Variants in TRMT11 observed in about 807,000 individuals in gnomAD.
TRMT11 encodes the protein tRNA (guanine(10)-N(2))-methyltransferase TRMT11.
Under a neutral mutation model 62.8 loss-of-function variants are expected in TRMT11, and 53 were observed. The ratio of observed to expected loss-of-function variants is 0.84; its 90% CI spans 0.68 to 1.06. TRMT11 has a LOEUF of 1.06. Ranked by LOEUF, TRMT11 falls within the 50% of genes least tolerant of loss-of-function variation. The pLI is 0.00. For missense variants in TRMT11, 556 were observed against 553.4 expected (o/e 1.00, Z -0.05); for synonymous variants, 188 against 190.3 (o/e 0.99, Z 0.10).
chr6:126,108,480 C>T (rs1777488841), intron 17 of TRMT11, among the ~76,000 whole-genome samples: 1 of 152,192 alleles, frequency 6.6e-6, no homozygotes, highest in African/African-American at 2.4e-5. Flanking sequence ...AGGCACCTTA[C>T]ATTTATACTT....
In TRMT11 at chr6:126,109,438, C is replaced by T. The variant is rs759253731; in HGVS notation, c.*1438-3428C>T. Among the ~76,000 whole-genome samples, 6 of 152,180 alleles carry T rather than the reference C, an allele frequency of 3.9e-5. No individual in the cohort carries two copies. The South Asian group carries it at 8.3e-4, about 21-fold the overall frequency. ...GCCTGATGCTTCCTCATGATTGCAC[C>T]GAAGTTACACCCTTTGGGCAGGAAT... On this transcript the variant is annotated intron_variant and NMD_transcript_variant, in intron 17 of 22. Transcript: ENST00000648977.
chr6:126,053,025 A>G (rs765137358), intron 16 of TRMT11, among the ~76,000 whole-genome samples: 1 of 152,058 alleles, frequency 6.6e-6, no homozygotes, highest in Non-Finnish European at 1.5e-5. Context: ...ACTTGCTCCT[A>G]TGGCGGGGGA....
chr6:126,203,231 G>C (rs570367367), downstream of TRMT11, among the ~76,000 whole-genome samples: 87 of 152,242 alleles, frequency 5.7e-4, 2 homozygotes, highest in Middle Eastern at 3.4e-3. Context: ...AGTAATTTTT[G>C]AACAATTTAA....
chr6:125,998,734 C>T, intron 6 of TRMT11, 50 bp downstream of exon 6: 1 of 1,582,688 alleles, frequency 6.3e-7, no homozygotes, highest in Non-Finnish European at 8.6e-7. Flanking sequence ...TTGAAAGCTA[C>T]TTATTAGGCC....
In TRMT11 at chr6:126,021,290, T is replaced by C; in HGVS notation, c.1260+10T>C. On this transcript the variant is annotated intron_variant, in intron 12 of 12. Transcript: ENST00000334379. ...GGTGAAGAAATTTGAGGTAAATTGC[T>C]TCAGTATTTTTGGGATAAATTCTGA... The C allele has an allele frequency of 6.2e-7, 1 of 1,612,914 alleles. No individual in the cohort carries two copies. Among genetic ancestry groups the C allele is most frequent in the Non-Finnish European group, 8.5e-7 (1 of 1,179,056 alleles).
upstream of TRMT11, among the ~76,000 whole-genome samples, chr6:126,172,875 T>A (rs1023766933): frequency 2.6e-5 from 4 of 152,116 alleles, no homozygotes; most frequent in Non-Finnish European, 5.9e-5. Context: ...GAGGTGAGGA[T>A]ACTGGGAAGA....
At chr6:126,120,262 A>G (rs1777634516) in intron 21 of TRMT11, among the ~76,000 whole-genome samples, 1 of 152,122 alleles carries the variant, frequency 6.6e-6, no homozygotes, top group Non-Finnish European at 1.5e-5. Context: ...TGACAGAGCA[A>G]GATTCCATCT....
chr6:126,039,027 A>G lies in TRMT11; in HGVS notation c.*191A>G. ...TAGACTTTTTTGTTGTATGTATTAC[A>G]GTCTTTATAATCTTATTTAATGTAT... On this transcript the variant is annotated 3_prime_UTR_variant, in exon 13 of 13. Coordinates refer to ENST00000334379, the MANE Select transcript of TRMT11 (RefSeq NM_001031712.3). The G allele has an allele frequency of 2.1e-6, 1 of 467,440 alleles. No homozygotes were observed. Among genetic ancestry groups the G allele is most frequent in the Non-Finnish European group, 3.7e-6 (1 of 269,996 alleles). The allele number at this position is 467,440 out of a possible 1,614,324, so 29.0% of individuals were successfully genotyped here. A position where few individuals can be genotyped will look rare whatever the true frequency, so the allele number is the denominator to read the frequency against.
intron 1 of TRMT11, among the ~76,000 whole-genome samples, chr6:125,988,531 A>T (rs1790045510): frequency 6.6e-6 from 1 of 152,128 alleles, no homozygotes; most frequent in Non-Finnish European, 1.5e-5. Flanking sequence ...GGACAAGGAA[A>T]GTTAGGGTGG....
At chr6:126,055,384 C>T (rs1776344471) in intron 17 of TRMT11, among the ~76,000 whole-genome samples, 1 of 152,216 alleles carries the variant, frequency 6.6e-6, no homozygotes, top group South Asian at 2.1e-4. Context: ...GCTTCTCCTT[C>T]ACTATTTACT....
chr6:126,008,291 C>T, intron 7 of TRMT11, 101 bp from the exon 8 acceptor site: 1 of 976,062 alleles, frequency 1.0e-6, no homozygotes, highest in East Asian at 2.4e-5. Flanking sequence ...TTCCAGGATA[C>T]TCTGCCTGCA....
At chr6:126,195,904 T>G (rs1052916974) in intron 1 of TRMT11, among the ~76,000 whole-genome samples, 6 of 152,140 alleles carry the variant, frequency 3.9e-5, no homozygotes, top group Admixed American at 6.6e-5. Flanking sequence ...CATGTCTCTG[T>G]GTGGTTTGCA....
At chr6:126,006,472 A>G (rs1397143843) in intron 7 of TRMT11, among the ~76,000 whole-genome samples, 2 of 152,090 alleles carry the variant, frequency 1.3e-5, no homozygotes, top group East Asian at 1.9e-4. Context: ...AGTGCTTACT[A>G]TTTAAGTAAT....
intron 21 of TRMT11, among the ~76,000 whole-genome samples, chr6:126,131,800 T>C (rs971831102): frequency 1.6e-4 from 24 of 152,082 alleles, no homozygotes. Context: ...TATCTTTTTT[T>C]TTTAAGAAAG....
At chr6:126,147,196 A>G (rs1448541807) in intron 21 of TRMT11, among the ~76,000 whole-genome samples, 1 of 152,240 alleles carries the variant, frequency 6.6e-6, no homozygotes, top group Non-Finnish European at 1.5e-5. Context: ...ATGAGTAAGC[A>G]TATAACAAAA....
intron 17 of TRMT11, among the ~76,000 whole-genome samples, chr6:126,056,957 T>C (rs1776391420): frequency 6.6e-6 from 1 of 152,204 alleles, no homozygotes; most frequent in Non-Finnish European, 1.5e-5. Flanking sequence ...CACTGAGGCT[T>C]TCTTGGTGCA....
At chr6:126,227,264 C>T in the TRMT11 span, among the ~76,000 whole-genome samples, 2 of 152,216 alleles carry the variant, frequency 1.3e-5, no homozygotes, top group African/African-American at 4.8e-5. Context: ...ATGGAAAAAG[C>T]AGGCAAATGT....
downstream of TRMT11, among the ~76,000 whole-genome samples, chr6:126,207,388 T>A (rs368869428): frequency 2.0e-5 from 3 of 152,098 alleles, no homozygotes; most frequent in African/African-American, 7.2e-5. Context: ...CCAACAGAGA[T>A]GGGAGATGGG....
In TRMT11 at chr6:125,998,612, T is replaced by C. The variant is rs1166603084; in HGVS notation, c.450T>C (p.Ser150=). ...VNLKKPQHVF[S]VLEDYGLDPN... The stretch of plus-strand genomic sequence containing the variant: ...TAAAGAAACCGCAACATGTATTTTC[T>C]GTTTTGGAGGATTATGGTTTAGACC... Residue 150 remains serine (S), a synonymous_variant, in exon 6 of 13, where the codon TCT becomes TCC. Transcript: ENST00000334379. 6.2e-7 allele frequency: 1 copy of C among 1,613,610 alleles called. No homozygotes were observed. Among genetic ancestry groups the C allele is most frequent in the South Asian group, 1.1e-5 (1 of 91,040 alleles).
Sources: allele counts gnomAD v4.1 joint callset (sites outside exome capture counted in the v4.1 genomes callset), GRCh38; gene constraint gnomAD v4.1.1; transcripts MANE v1.5; gene names NCBI Gene and HGNC (gene_info 2026-07-23, HGNC 2026-07-21).